Variants in CACNB4 observed in about 807,000 individuals in gnomAD.
The protein encoded by CACNB4 is calcium voltage-gated channel auxiliary subunit beta 4.
CACNB4 carries 32 observed loss-of-function variants against 71.2 expected under a neutral mutation model. The ratio of observed to expected loss-of-function variants is 0.45; its 90% CI spans 0.34 to 0.60. The LOEUF is 0.60. Among genes scored for constraint, CACNB4 ranks in the 20% least tolerant of loss-of-function variants. CACNB4 has a pLI of 0.01. For synonymous variants in CACNB4, 231 were observed against 236.9 expected (o/e 0.97, Z 0.23); for missense variants, 464 against 647.9 (o/e 0.72, Z 3.08).
At chr2:152,079,715 G>A (rs1032712379) in intron 2 of CACNB4, among the ~76,000 whole-genome samples, 8 of 152,154 alleles carry the variant, frequency 5.3e-5, no homozygotes, top group South Asian at 4.1e-4. Context: ...GAGCCCAGGA[G>A]GTTAAGGCCG....
intron 2 of CACNB4, among the ~76,000 whole-genome samples, chr2:151,955,340 T>C (rs548408888): frequency 9.2e-5 from 14 of 152,202 alleles, no homozygotes; most frequent in Admixed American, 4.6e-4. Flanking sequence ...TTGTGTATTA[T>C]TGTGCTATGT....
At chr2:152,008,778 G>A (rs906214940) in intron 2 of CACNB4, among the ~76,000 whole-genome samples, 2 of 152,098 alleles carry the variant, frequency 1.3e-5, no homozygotes, top group Non-Finnish European at 2.9e-5. Context: ...TTGCAGCCTG[G>A]GTGCAGCGGG....
intron 10 of CACNB4, chr2:151,859,692 C>T (rs968638916): frequency 4.6e-5 from 7 of 152,182 alleles, no homozygotes; most frequent in African/African-American, 1.7e-4. Context: ...CAAGCACTGA[C>T]CACTACTCTA....
intron 2 of CACNB4, among the ~76,000 whole-genome samples, chr2:152,021,463 T>A (rs1055141580): frequency 3.9e-5 from 6 of 152,206 alleles, no homozygotes; most frequent in African/African-American, 1.4e-4. Context: ...AAAACAGGCA[T>A]ATTCATTGCA....
Position 152,098,502 on chromosome 2 carries a change from G to T in CACNB4, c.64-89C>A. ...CACCCCCGGCTGGAGTCCGCCTCCG[G>T]ACCCGCTCCCTGGGGTCCCCTAGAG... On this transcript the variant is annotated intron_variant, in intron 1 of 13. Coordinates refer to ENST00000539935, the MANE Select transcript of CACNB4 (RefSeq NM_000726.5). The surrounding 1 kb of genome is among the most constrained non-coding windows in gnomAD (Gnocchi z 5.3). 7.1e-7 allele frequency: 1 copy of T among 1,400,222 alleles called. No homozygotes were observed. The highest frequency in any genetic ancestry group is 1.0e-6 in the Non-Finnish European group (1 of 987,668). The allele number at this position is 1,400,222 out of a possible 1,614,324, so 86.7% of individuals were successfully genotyped here.
chr2:151,847,535 G>C (rs62174454), intron 12 of CACNB4, among the ~76,000 whole-genome samples: 4,128 of 152,212 alleles, frequency 0.027, 53 homozygotes, highest in Middle Eastern at 0.034. Context: ...TTGAGATTCT[G>C]AGTATTTAAC....
intron 2 of CACNB4, among the ~76,000 whole-genome samples, chr2:151,945,606 G>A (rs1578911498): frequency 6.6e-6 from 1 of 152,244 alleles, no homozygotes; most frequent in East Asian, 1.9e-4. Flanking sequence ...AGCTGTGATT[G>A]CACCACCACA....
intron 2 of CACNB4, among the ~76,000 whole-genome samples, chr2:151,905,529 C>T (rs1201860236): frequency 6.6e-6 from 1 of 152,158 alleles, no homozygotes; most frequent in East Asian, 1.9e-4. Flanking sequence ...AATTCAGAGA[C>T]CTACAAAAAT....
At chr2:151,881,671 C>T (rs187224099) in intron 3 of CACNB4, among the ~76,000 whole-genome samples, 39 of 152,310 alleles carry the variant, frequency 2.6e-4, no homozygotes, top group African/African-American at 8.9e-4. Context: ...CAGTGAGACA[C>T]AAGATTCCTG....
intron 3 of CACNB4, among the ~76,000 whole-genome samples, 167 bp from the exon 4 acceptor site, chr2:151,881,089 G>A (rs1354264098): frequency 6.6e-6 from 1 of 152,166 alleles, no homozygotes; most frequent in African/African-American, 2.4e-5. Flanking sequence ...AGATGACTCT[G>A]AAAATGATTG....
chr2:151,865,924 T>C (rs922789967), intron 9 of CACNB4: 2 of 152,192 alleles, frequency 1.3e-5, no homozygotes, highest in African/African-American at 4.8e-5. Flanking sequence ...TGGCTGGAAT[T>C]ACAGGCACGC....
At chr2:152,016,503 C>A (rs1683351542) in intron 2 of CACNB4, among the ~76,000 whole-genome samples, 1 of 152,186 alleles carries the variant, frequency 6.6e-6, no homozygotes, top group Non-Finnish European at 1.5e-5. Context: ...GGTTTGAATC[C>A]TTTGATGAGT....
At chr2:151,855,120 AATC>A in intron 11 of CACNB4, 101 bp downstream of exon 11, 1 of 669,812 alleles carries the variant, frequency 1.5e-6, no homozygotes, top group Non-Finnish European at 2.5e-6. Flanking sequence ...GCTTATTAAT[AATC>A]AGCAAGACGT....
intron 2 of CACNB4, chr2:151,936,286 C>T (rs983151529): frequency 6.6e-6 from 1 of 152,178 alleles, no homozygotes; most frequent in African/African-American, 2.4e-5. Context: ...GCAGCCAACT[C>T]TGTTTATTAC....
At chr2:151,971,414 T>C in intron 2 of CACNB4, 1 of 671,232 alleles carries the variant, frequency 1.5e-6, no homozygotes, top group Non-Finnish European at 2.7e-6. Flanking sequence ...CCAACCGAAG[T>C]GCCGTACTCA....
chr2:151,938,086 T>C (rs552269187), intron 2 of CACNB4, among the ~76,000 whole-genome samples: 11 of 152,342 alleles, frequency 7.2e-5, no homozygotes, highest in Non-Finnish European at 1.0e-4. Context: ...TGACAATTAT[T>C]CAAAGAGCTG....
intron 12 of CACNB4, among the ~76,000 whole-genome samples, chr2:151,845,523 C>A (rs6755393): frequency 0.14 from 21,504 of 152,178 alleles, 2,486 homozygotes; most frequent in East Asian, 0.49. Context: ...CAAAAAGAAG[C>A]AACCCAATGA....
intron 2 of CACNB4, among the ~76,000 whole-genome samples, chr2:151,953,404 C>T (rs911395221): frequency 1.8e-4 from 28 of 152,222 alleles, no homozygotes; most frequent in African/African-American, 6.5e-4. Flanking sequence ...TCCAACTCCT[C>T]CCTTCCCTGT....
chr2:151,947,052 T>C (rs774185795), intron 2 of CACNB4, among the ~76,000 whole-genome samples: 17 of 152,096 alleles, frequency 1.1e-4, no homozygotes, highest in Non-Finnish European at 1.8e-4. Context: ...AAAAACATTC[T>C]GTGTATGGTC....
Sources: allele counts gnomAD v4.1 joint callset (sites outside exome capture counted in the v4.1 genomes callset), GRCh38; gene constraint gnomAD v4.1.1; non-coding constraint Gnocchi (gnomAD v3.1); transcripts MANE v1.5; gene names NCBI Gene and HGNC (gene_info 2026-07-23, HGNC 2026-07-21).